KPNA1: variants seen among roughly 807,000 people sequenced by gnomAD.
KPNA1 encodes karyopherin subunit alpha 1, also known as importin subunit alpha-5.
A neutral mutation model predicts 70.5 loss-of-function variants in KPNA1; 10 were observed. That is an observed-to-expected ratio of 0.14 (90% confidence interval 0.09 to 0.24). The LOEUF (loss-of-function observed/expected upper bound fraction) is 0.24, where lower values mean the gene tolerates loss of function less well. KPNA1 is among the 10% of genes least tolerant of loss of function. The pLI is 1.00. For missense variants in KPNA1, 397 were observed against 637.9 expected (o/e 0.62, Z 4.07); for synonymous variants, 192 against 221.9 (o/e 0.87, Z 1.20).
At chr3:122,439,646 C>G (rs2076037724) in intron 10 of KPNA1, among the ~76,000 whole-genome samples, 1 of 152,104 alleles carries the variant, frequency 6.6e-6, no homozygotes, top group Non-Finnish European at 1.5e-5. Context: ...GAAGATAATG[C>G]AAATAACATT....
At chr3:122,482,093 T>C (rs531836065) in intron 2 of KPNA1, among the ~76,000 whole-genome samples, 3 of 152,266 alleles carry the variant, frequency 2.0e-5, no homozygotes, top group Non-Finnish European at 4.4e-5. Context: ...ATCACACGAC[T>C]TCATCATCAT....
rs182896533 is a variant in KPNA1, at chr3:122,441,876, C to A, written c.996+162G>T. On this transcript the variant is annotated intron_variant, in intron 10 of 13. Coordinates refer to ENST00000344337, the MANE Select transcript of KPNA1 (RefSeq NM_002264.4). ...TCAGTCTCCCAAAGTGCTGGGATTACAGGCGTGAGTGACCGCCCCCGGCCC... is the reference window on the plus strand; with the variant it reads ...TCAGTCTCCCAAAGTGCTGGGATTAAAGGCGTGAGTGACCGCCCCCGGCCC... Among the ~76,000 whole-genome samples, 48 of 152,382 alleles carry A rather than the reference C, an allele frequency of 3.1e-4. No homozygotes were observed. In the East Asian group the frequency reaches 7.5e-3, roughly 24 times the overall value.
At chr3:122,478,221 G>C (rs2076526746) in intron 2 of KPNA1, among the ~76,000 whole-genome samples, 1 of 151,016 alleles carries the variant, frequency 6.6e-6, no homozygotes, top group African/African-American at 2.4e-5. Context: ...AGAGGAAATG[G>C]TGCTGGAACA....
intron 2 of KPNA1, among the ~76,000 whole-genome samples, chr3:122,469,837 A>T (rs2076421448): frequency 6.6e-6 from 1 of 152,258 alleles, no homozygotes; most frequent in Admixed American, 6.5e-5. Flanking sequence ...TGATAACCAC[A>T]CATGCCAGAA....
intron 9 of KPNA1, among the ~76,000 whole-genome samples, chr3:122,448,824 G>A (rs1333216067): frequency 6.6e-6 from 1 of 151,646 alleles, no homozygotes; most frequent in Non-Finnish European, 1.5e-5. Context: ...TTACTTCCCA[G>A]ATTTTGAATG....
chr3:122,451,860 T>C (rs546595501), intron 7 of KPNA1, 116 bp downstream of exon 7: 2 of 753,310 alleles, frequency 2.7e-6, no homozygotes, highest in Admixed American at 5.8e-5. Flanking sequence ...TATCTGGAAT[T>C]AAAAATAACA....
chr3:122,513,649 AAAAAC>A (rs1223426210), intron 1 of KPNA1, among the ~76,000 whole-genome samples: 5 of 151,988 alleles, frequency 3.3e-5, no homozygotes, highest in Admixed American at 6.6e-5. Context: ...TAAGAAAAAA[AAAAAC>A]AAAACAGGAG....
In KPNA1 at chr3:122,451,544, T is replaced by A; in HGVS notation, c.743A>T (p.Glu248Val). 1 of 1,609,584 alleles carries A rather than the reference T, an allele frequency of 6.2e-7. No homozygotes were observed. Among genetic ancestry groups the A allele is most frequent in the Non-Finnish European group, 8.5e-7 (1 of 1,176,494 alleles). Reference sequence around the variant, plus strand: ...AAGCATAGTCCTTACCTTTGCAAATTCTGGAGGTGGACTTTTCCCTCTACA... The same window carrying A: ...AAGCATAGTCCTTACCTTTGCAAATACTGGAGGTGGACTTTTCCCTCTACA... The part of the protein sequence containing the change: ...NLCRGKSPPP[E>V]FAKVSPCLNV... Residue 248 changes from glutamate to valine, a missense_variant, in exon 8 of 14, where the codon GAA (glutamate) becomes GTA (valine). Transcript: ENST00000344337.
chr3:122,489,568 CAG>C (rs1050092913), intron 2 of KPNA1, among the ~76,000 whole-genome samples: 1 of 152,288 alleles, frequency 6.6e-6, no homozygotes, highest in South Asian at 2.1e-4. Context: ...CCATGCCTGG[CAG>C]AGTCTTTTTT....
intron 8 of KPNA1, among the ~76,000 whole-genome samples, chr3:122,451,261 C>T (rs1205241498): frequency 6.6e-6 from 1 of 152,122 alleles, no homozygotes; most frequent in Non-Finnish European, 1.5e-5. Context: ...TGTATGAAGC[C>T]TAATTTCAAT....
At chr3:122,469,181 T>C (rs1483382604) in intron 2 of KPNA1, among the ~76,000 whole-genome samples, 1 of 152,196 alleles carries the variant, frequency 6.6e-6, no homozygotes, top group Admixed American at 6.5e-5. Context: ...CCAGTGCCCT[T>C]ATACAAAGGC....
Position 122,454,697 on chromosome 3 carries a change from T to C in KPNA1, c.433-696A>G, listed in dbSNP as rs571753081. 2.8e-4 allele frequency among the ~76,000 whole-genome samples: 42 copies of C among 152,204 alleles called. No homozygotes were observed. The South Asian group carries it at 7.9e-3, about 29-fold the overall frequency. On this transcript the variant is annotated intron_variant, in intron 5 of 13. Coordinates refer to ENST00000344337, the MANE Select transcript of KPNA1 (RefSeq NM_002264.4). The stretch of plus-strand genomic sequence containing the variant: ...CACATAATGAAAAGAAATGACAACT[T>C]CAAAGAATAAGAGCTTCCAATAAAT...
chr3:122,458,489 C>G (rs1037469370), intron 5 of KPNA1, among the ~76,000 whole-genome samples: 8 of 152,132 alleles, frequency 5.3e-5, no homozygotes, highest in African/African-American at 1.2e-4. Context: ...ATAAAAAGAC[C>G]CTTCAATAGG....
intron 3 of KPNA1, among the ~76,000 whole-genome samples, chr3:122,466,066 T>C (rs922881830): frequency 1.2e-4 from 19 of 152,194 alleles, no homozygotes; most frequent in Admixed American, 2.0e-4. Flanking sequence ...ACTGGCTTTC[T>C]GAAGGGCCTA....
At chr3:122,500,248 A>G (rs1576345821) in intron 1 of KPNA1, among the ~76,000 whole-genome samples, 1 of 151,844 alleles carries the variant, frequency 6.6e-6, no homozygotes, top group Non-Finnish European at 1.5e-5. Flanking sequence ...CAGCCTCCTG[A>G]GTAGCTGGGA....
chr3:122,459,578 A>T, intron 5 of KPNA1: 1 of 985,412 alleles, frequency 1.0e-6, no homozygotes, highest in Non-Finnish European at 1.2e-6. Context: ...TTTTATCCTG[A>T]GAAAAGTCTC....
chr3:122,450,062 G>C (rs566750955), intron 8 of KPNA1, among the ~76,000 whole-genome samples: 70 of 152,262 alleles, frequency 4.6e-4, no homozygotes, highest in Non-Finnish European at 6.0e-4. Context: ...GTGAAAACTA[G>C]GAAATTCTGT....
At chr3:122,462,313 C>T (rs1201907361) in intron 4 of KPNA1, among the ~76,000 whole-genome samples, 1 of 151,910 alleles carries the variant, frequency 6.6e-6, no homozygotes, top group Non-Finnish European at 1.5e-5. Context: ...ACAAACAAAA[C>T]CTAACAACAG....
chr3:122,451,308 T>C (rs979973603), intron 8 of KPNA1, among the ~76,000 whole-genome samples: 6 of 152,240 alleles, frequency 3.9e-5, no homozygotes, highest in African/African-American at 1.2e-4. Flanking sequence ...TATGCTTTAT[T>C]TGCAGTCCCA....
Sources: allele counts gnomAD v4.1 joint callset (sites outside exome capture counted in the v4.1 genomes callset), GRCh38; gene constraint gnomAD v4.1.1; transcripts MANE v1.5; gene names NCBI Gene and HGNC (gene_info 2026-07-23, HGNC 2026-07-21).